Variants in SIGLEC1 observed in about 807,000 individuals in gnomAD.
SIGLEC1 encodes the protein sialic acid binding Ig like lectin 1.
Under a neutral mutation model 148.0 loss-of-function variants are expected in SIGLEC1, and 132 were observed. That is an observed-to-expected ratio of 0.89 (90% CI 0.77 to 1.03). The LOEUF (loss-of-function observed/expected upper bound fraction) is 1.03. Ranked by LOEUF, SIGLEC1 falls within the 50% of genes least tolerant of loss-of-function variation. The pLI is 0.00. For missense variants in SIGLEC1, 2,253 were observed against 2,271.4 expected, an observed-to-expected ratio of 0.99 and a Z score of 0.16; for synonymous variants, 945 against 969.0, an observed-to-expected ratio of 0.98 and a Z score of 0.46.
chr20:3,704,141 G>A (rs756469327), intron 4 of SIGLEC1, 50 bp from the exon 5 acceptor site: 4 of 1,542,420 alleles, frequency 2.6e-6, no homozygotes, highest in African/African-American at 1.4e-5. Context: ...GGAGGGCAGA[G>A]GATGGCACAC....
Position 3,691,535 on chromosome 20 carries a change from G to T in SIGLEC1, c.4396C>A (p.Arg1466Ser). 6.2e-7 allele frequency: 1 copy of T among 1,613,184 alleles called. No homozygotes were observed. Among genetic ancestry groups the T allele is most frequent in the Non-Finnish European group, 8.5e-7 (1 of 1,179,994 alleles). ...PEGAALNLSC[R>S]LLGGPGPVGN... Reference sequence around the variant, plus strand: ...ACAGGCCCAGGGCCACCCAGGAGGCGGCAGCTGAGGTTCAGGGCAGCGCCC... The same window carrying T: ...ACAGGCCCAGGGCCACCCAGGAGGCTGCAGCTGAGGTTCAGGGCAGCGCCC... The change falls in exon 18 of 22, where the codon CGC (arginine) becomes AGC (serine). Residue 1466 changes from arginine (R) to serine (S), a missense_variant. Transcript: ENST00000344754.
chr20:3,692,251 C>T, intron 16 of SIGLEC1, 49 bp from the exon 17 acceptor site: 1 of 1,482,764 alleles, frequency 6.7e-7, no homozygotes. Flanking sequence ...GCACCCTGTA[C>T]TGCTCATTGC....
rs1408714804 is a variant in SIGLEC1, at chr20:3,712,449, AG to A, written c.-110+20del. On this transcript the variant is annotated intron_variant, in intron 1 of 21. Transcript: ENST00000344754. The stretch of plus-strand genomic sequence containing the variant: ...AATGCTCCACTCACCCTCTGGGCCC[AG>A]GGACCAGGGACAGGGGTACCTGCTC... 1.1e-3 allele frequency among the ~76,000 whole-genome samples: 156 copies of A among 140,614 alleles called. No homozygotes were observed. Among genetic ancestry groups the A allele is most frequent in the Non-Finnish European group, 1.3e-3 (81 of 64,264 alleles). The allele number at this position is 140,614 out of a possible 152,430, so 92.2% of individuals were successfully genotyped here.
At position 3,708,025 on chromosome 20, in the gene SIGLEC1, C is replaced by T. The variant is rs572037154; in HGVS notation, c.-109-788G>A. Reference sequence around the variant, plus strand: ...AGAGCCCATTTCTCAGGACCTAGAACTGAAGATATGTGCCCCATAGCAGTG... The same window carrying T: ...AGAGCCCATTTCTCAGGACCTAGAATTGAAGATATGTGCCCCATAGCAGTG... On this transcript the variant is annotated intron_variant, in intron 1 of 21. Coordinates refer to ENST00000344754, the MANE Select transcript of SIGLEC1 (RefSeq NM_023068.4). Among the ~76,000 whole-genome samples, 7 of 152,328 alleles carry T rather than the reference C, an allele frequency of 4.6e-5. No individual in the cohort carries two copies. The South Asian group carries it at 1.5e-3, about 32-fold the overall frequency.
In SIGLEC1 at chr20:3,689,637, G is replaced by T; in HGVS notation, c.4960C>A (p.Leu1654Ile). The T allele has an allele frequency of 6.3e-7, 1 of 1,590,158 alleles. No homozygotes were observed. The highest frequency in any genetic ancestry group is 8.6e-7 in the Non-Finnish European group (1 of 1,168,656). The change falls in exon 20 of 22, where the codon CTC becomes ATC. Residue 1654 changes from leucine to isoleucine, a missense_variant. Coordinates refer to ENST00000344754, the MANE Select transcript of SIGLEC1 (RefSeq NM_023068.4). ...CAGGCCCCCAGGCCCAACAGCAGGA[G>T]CAGGAGGCCCACCAGCAGTCCCAGG... Reference protein sequence around the residue: ...WVLGLLVGLLLLLLGLGACYT... With the variant: ...WVLGLLVGLLILLLGLGACYT...
chr20:3,696,121 T>TAC (rs71916901), intron 11 of SIGLEC1, among the ~76,000 whole-genome samples: 6 of 39,622 alleles, frequency 1.5e-4, no homozygotes, highest in Non-Finnish European at 2.9e-4. Context: ...TTATAGAGAC[T>TAC]ATATATATAC....
intron 11 of SIGLEC1, 84 bp downstream of exon 11, chr20:3,696,502 A>G: frequency 7.3e-7 from 1 of 1,373,258 alleles, no homozygotes; most frequent in Middle Eastern, 1.9e-4. Flanking sequence ...TCTGCACAAA[A>G]TTCACAGCAC....
chr20:3,706,778 C>A, intron 2 of SIGLEC1, 72 bp from the exon 3 acceptor site: 1 of 1,457,262 alleles, frequency 6.9e-7, no homozygotes, highest in Non-Finnish European at 9.1e-7. Context: ...GCCCTGCGAC[C>A]TGCCCCAGAG....
chr20:3,698,185 A>C, intron 8 of SIGLEC1, 52 bp from the exon 9 acceptor site: 2 of 1,454,340 alleles, frequency 1.4e-6, no homozygotes, highest in South Asian at 1.3e-5. Context: ...CCAGGGCCCC[A>C]CAAGCCTGGC....
intron 6 of SIGLEC1, among the ~76,000 whole-genome samples, chr20:3,701,880 T>C: frequency 6.6e-6 from 1 of 152,076 alleles, no homozygotes; most frequent in East Asian, 1.9e-4. Flanking sequence ...AAGCCCCACT[T>C]CAAAGATGAG....
intron 3 of SIGLEC1, 117 bp downstream of exon 3, chr20:3,706,230 A>G (rs2087892738): frequency 2.1e-5 from 30 of 1,438,302 alleles, no homozygotes; most frequent in Non-Finnish European, 2.8e-5. Context: ...GGGCTGGAAC[A>G]GAGGCTGAGA....
chr20:3,710,573 G>A lies in SIGLEC1; in HGVS notation c.-110+1897C>T, dbSNP rs117947009. 0.018 allele frequency among the ~76,000 whole-genome samples: 2,675 copies of A among 152,290 alleles called. 29 individuals carry two copies. The highest frequency in any genetic ancestry group is 0.026 in the Non-Finnish European group (1,773 of 68,020). ...GGCCCTGGGACCTGGACACCTCACC[G>A]TGAAGAAAAGCAGCCTGCTGGGCAC... On this transcript the variant is annotated intron_variant, in intron 1 of 21. Transcript: ENST00000344754. This position sits in a 1 kb window ranked among gnomAD's most constrained non-coding sequence, Gnocchi z 4.6.
intron 7 of SIGLEC1, among the ~76,000 whole-genome samples, chr20:3,700,697 C>CTTTTT (rs71195856): frequency 1.4e-4 from 17 of 119,880 alleles, no homozygotes; most frequent in East Asian, 2.5e-4. Flanking sequence ...TTTTCTTTTT[C>CTTTTT]TTTTTTTTTT....
intron 2 of SIGLEC1, 96 bp from the exon 3 acceptor site, chr20:3,706,802 TG>T: frequency 7.2e-7 from 1 of 1,387,822 alleles, no homozygotes. Context: ...GTGCCCCAGC[TG>T]GGCTCCCAAA....
rs773433036 is a variant in SIGLEC1, at chr20:3,693,012, G to C, written c.3628C>G (p.Arg1210Gly). Residue 1210 changes from arginine (R) to glycine (G), a missense_variant, in exon 15 of 22, where the codon CGC becomes GGC. Physicochemically the swap from Arg to Gly is moderately radical, Grantham distance 125. Coordinates refer to ENST00000344754, the MANE Select transcript of SIGLEC1 (RefSeq NM_023068.4). The part of the protein sequence containing the change: ...PAQLALSHAG[R>G]LLASSTAASV... ...GCTGCTGTCGAGGAGGCCAAGAGGC[G>C]ACCGGCGTGGCTGAGGGCCAGCTGG... The C allele has an allele frequency of 6.2e-6, 10 of 1,611,768 alleles. No individual in the cohort carries two copies. In the African/African-American group the frequency reaches 1.2e-4, roughly 19 times the overall value.
intron 2 of SIGLEC1, among the ~76,000 whole-genome samples, 159 bp downstream of exon 2, chr20:3,706,921 C>T (rs2087901181): frequency 6.6e-6 from 1 of 152,250 alleles, no homozygotes; most frequent in African/African-American, 2.4e-5. Flanking sequence ...GGCTCGAAGA[C>T]AGATGGCAGC....
chr20:3,693,011 C>A lies in SIGLEC1; in HGVS notation c.3629G>T (p.Arg1210Leu), dbSNP rs749207473. Residue 1210 changes from arginine to leucine, a missense_variant, in exon 15 of 22, where the codon CGC becomes CTC. By Grantham distance (102) the Arg-to-Leu change is moderately radical (BLOSUM62 -2). Transcript: ENST00000344754. ...GGCTGCTGTCGAGGAGGCCAAGAGG[C>A]GACCGGCGTGGCTGAGGGCCAGCTG... ...PAQLALSHAGRLLASSTAASV... is the reference protein window; with the variant it reads ...PAQLALSHAGLLLASSTAASV... The A allele has an allele frequency of 3.7e-6, 6 of 1,611,782 alleles. No individual in the cohort carries two copies. Among genetic ancestry groups the A allele is most frequent in the Admixed American group, 1.7e-5 (1 of 59,972 alleles).
chr20:3,707,165 T>C lies in SIGLEC1; in HGVS notation c.-37A>G. On this transcript the variant is annotated 5_prime_UTR_variant, in exon 2 of 22. Coordinates refer to ENST00000344754, the MANE Select transcript of SIGLEC1 (RefSeq NM_023068.4). ...GTGCTGCTCCTGTTGCCTAAGAGGG[T>C]GGTGCGCACTGCGCTGGCTGGGCTC... 6.2e-7 allele frequency: 1 copy of C among 1,605,502 alleles called. No individual in the cohort carries two copies. Among genetic ancestry groups the C allele is most frequent in the South Asian group, 1.1e-5 (1 of 90,834 alleles).
chr20:3,689,817 C>T, intron 19 of SIGLEC1, 115 bp from the exon 20 acceptor site: 1 of 1,189,806 alleles, frequency 8.4e-7, no homozygotes. Context: ...CTGAAGCTCT[C>T]CACACAAGGG....
Sources: allele counts gnomAD v4.1 joint callset (sites outside exome capture counted in the v4.1 genomes callset), GRCh38; gene constraint gnomAD v4.1.1; non-coding constraint Gnocchi (gnomAD v3.1); transcripts MANE v1.5; gene names NCBI Gene and HGNC (gene_info 2026-07-23, HGNC 2026-07-21).